HNRNPR: variants seen among roughly 807,000 people sequenced by gnomAD.
HNRNPR encodes the protein heterogeneous nuclear ribonucleoprotein R.
In HNRNPR, 4 loss-of-function variants were observed where a neutral mutation model predicts 70.3. The observed-to-expected ratio is 0.06, with a 90% confidence interval of 0.03 to 0.13. The LOEUF (loss-of-function observed/expected upper bound fraction) is 0.13, where lower values mean the gene tolerates loss of function less well. HNRNPR is among the 10% of genes least tolerant of loss of function. HNRNPR has a pLI of 1.00. For missense variants in HNRNPR, 423 were observed against 788.5 expected (o/e 0.54, Z 5.55); for synonymous variants, 241 against 267.6 (o/e 0.90, Z 0.97).
intron 5 of HNRNPR, among the ~76,000 whole-genome samples, chr1:23,323,988 AT>A (rs1057152780): frequency 9.2e-5 from 14 of 152,060 alleles, no homozygotes; most frequent in Non-Finnish European, 5.9e-5. Context: ...TAAATTTTAA[AT>A]TTTTATAACT....
intron 5 of HNRNPR, among the ~76,000 whole-genome samples, chr1:23,330,672 T>C (rs147733307): frequency 1.3e-5 from 2 of 152,314 alleles, no homozygotes; most frequent in Admixed American, 6.5e-5. Context: ...TTACTACCTA[T>C]CATCCTTGCA....
chr1:23,321,556 G>A lies in HNRNPR; in HGVS notation c.783C>T (p.Asn261=), dbSNP rs2148374868. 6.2e-7 allele frequency: 1 copy of A among 1,612,276 alleles called. No homozygotes were observed. Among genetic ancestry groups the A allele is most frequent in the South Asian group, 1.1e-5 (1 of 90,660 alleles). ...TGACTTTACTGAATTCTTCCAAAATGTTTTCTTTAGTCTTATTCTTCGGAA... is the reference window on the plus strand; with the variant it reads ...TGACTTTACTGAATTCTTCCAAAATATTTTCTTTAGTCTTATTCTTCGGAA... The part of the protein sequence containing the change: ...GSIPKNKTKE[N]ILEEFSKVTE... Residue 261 remains asparagine, a synonymous_variant, in exon 7 of 11, where the codon AAC becomes AAT. Coordinates refer to ENST00000302271, the MANE Select transcript of HNRNPR (RefSeq NM_005826.5).
At chr1:23,321,868 C>G (rs1645773210) in intron 6 of HNRNPR, among the ~76,000 whole-genome samples, 1 of 152,136 alleles carries the variant, frequency 6.6e-6, no homozygotes, top group Non-Finnish European at 1.5e-5. Flanking sequence ...TTAACCTTCA[C>G]TACTCTTCCA....
At chr1:23,319,510 C>T (rs1645674354) in intron 7 of HNRNPR, among the ~76,000 whole-genome samples, 1 of 152,146 alleles carries the variant, frequency 6.6e-6, no homozygotes, top group Admixed American at 6.5e-5. Flanking sequence ...ATCTCCACTG[C>T]TATTACCCTA....
At chr1:23,335,147 T>C (rs891649658) in intron 4 of HNRNPR, among the ~76,000 whole-genome samples, 2 of 152,264 alleles carry the variant, frequency 1.3e-5, no homozygotes, top group East Asian at 3.9e-4. Flanking sequence ...CTCGATCTCC[T>C]GACCTCGTGA....
chr1:23,342,855 A>C (rs1646754351), intron 1 of HNRNPR, among the ~76,000 whole-genome samples: 2 of 152,246 alleles, frequency 1.3e-5, no homozygotes, highest in African/African-American at 4.8e-5. Flanking sequence ...GTTGTGTATT[A>C]AGTACAAGAC....
intron 5 of HNRNPR, among the ~76,000 whole-genome samples, chr1:23,328,500 GT>G (rs1392093141): frequency 6.6e-6 from 1 of 151,980 alleles, no homozygotes; most frequent in African/African-American, 2.4e-5. Context: ...TTTTGTTGTT[GT>G]TGTTGTTGCT....
chr1:23,312,826 C>G (rs1001957717), intron 9 of HNRNPR, among the ~76,000 whole-genome samples: 8 of 152,070 alleles, frequency 5.3e-5, no homozygotes, highest in Admixed American at 5.2e-4. Context: ...TTCCTAATAA[C>G]ATAAATAAGA....
intron 1 of HNRNPR, among the ~76,000 whole-genome samples, chr1:23,343,979 G>C (rs1372835613): frequency 6.6e-6 from 1 of 152,126 alleles, no homozygotes; most frequent in Non-Finnish European, 1.5e-5. Context: ...CCAGCGGGCC[G>C]GACCGCGGGC....
rs576337577 is a variant in HNRNPR at position 23,328,009 on chromosome 1, A to G, written c.499-4277T>C. On this transcript the variant is annotated intron_variant, in intron 5 of 10. Coordinates refer to ENST00000302271, the MANE Select transcript of HNRNPR (RefSeq NM_005826.5). ...AGACTCTGTCTCAAAAAAAAAAAAA[A>G]AAAAGAAAAGAAAAAAGAAGTCTGA... Among the ~76,000 whole-genome samples, 6 of 151,564 alleles carry G rather than the reference A, an allele frequency of 4.0e-5. No homozygotes were observed. The East Asian group carries it at 7.7e-4, about 20-fold the overall frequency.
rs374135264 is a variant in HNRNPR at position 23,319,587 on chromosome 1, T to A, written c.812-899A>T. On this transcript the variant is annotated intron_variant, in intron 7 of 10. Coordinates refer to ENST00000302271, the MANE Select transcript of HNRNPR (RefSeq NM_005826.5). ...TTTATCAGCTTCCACTCACACCCCT[T>A]CTCTCCAAGCCCCTATCCACAGAGC... is the stretch of plus-strand genomic sequence containing the variant. 4.6e-5 allele frequency among the ~76,000 whole-genome samples: 7 copies of A among 152,194 alleles called. No homozygotes were observed. The East Asian group carries it at 1.4e-3, about 29-fold the overall frequency.
chr1:23,311,452 A>G (rs1353119942), intron 9 of HNRNPR, 130 bp from the exon 10 acceptor site: 1 of 645,050 alleles, frequency 1.6e-6, no homozygotes, highest in Non-Finnish European at 2.6e-6. Flanking sequence ...TTAAATGGCA[A>G]AAGGTGAATC....
intron 5 of HNRNPR, among the ~76,000 whole-genome samples, chr1:23,329,562 AG>A (rs1229416723): frequency 1.3e-5 from 2 of 152,208 alleles, no homozygotes; most frequent in Non-Finnish European, 2.9e-5. Context: ...ACCCAGAAAA[AG>A]TTTTAGCTGT....
rs529558976 is a variant in HNRNPR, at chr1:23,313,566, C to A, written c.1154G>T (p.Gly385Val). ...CAAAATTCCTACCTTAACAGCTGCT[C>A]CTCTGTCTTCAAAATGAACAAATGC... ...DYAFVHFEDRGAAVKAMDEMN... is the reference protein window; with the variant it reads ...DYAFVHFEDRVAAVKAMDEMN... Residue 385 changes from glycine to valine, a missense_variant, in exon 9 of 11, where the codon GGA (glycine) becomes GTA (valine). Gly to Val is a moderately radical substitution (Grantham distance 109, BLOSUM62 -3). Around this residue, in one of 7 missense-constraint regions of HNRNPR, gnomAD observed 46 missense variants for 164.6 expected, o/e 0.28. Coordinates refer to ENST00000302271, the MANE Select transcript of HNRNPR (RefSeq NM_005826.5). 3 of 1,559,502 alleles carry A rather than the reference C, an allele frequency of 1.9e-6. No homozygotes were observed. The highest frequency in any genetic ancestry group is 2.4e-5 in the East Asian group (1 of 41,712).
intron 4 of HNRNPR, among the ~76,000 whole-genome samples, chr1:23,336,116 C>CAAAAAAAAA (rs71020498): frequency 2.8e-4 from 14 of 49,474 alleles, no homozygotes; most frequent in African/African-American, 7.3e-4. Context: ...GACTCCGTCT[C>CAAAAAAAAA]AAAAAAAAAA....
intron 8 of HNRNPR, among the ~76,000 whole-genome samples, chr1:23,314,997 G>A (rs1645475224): frequency 6.6e-6 from 1 of 151,812 alleles, no homozygotes; most frequent in African/African-American, 2.4e-5. Flanking sequence ...ATGAAGAAGA[G>A]GGCTGGGCGC....
Position 23,311,047 on chromosome 1 carries a change from G to A in HNRNPR, c.1309C>T (p.His437Tyr). 6.2e-7 allele frequency: 1 copy of A among 1,614,060 alleles called. No homozygotes were observed. Among genetic ancestry groups the A allele is most frequent in the Non-Finnish European group, 8.5e-7 (1 of 1,180,002 alleles). Residue 437 changes from histidine (H) to tyrosine (Y), a missense_variant, in exon 11 of 11, where the codon CAC becomes TAC. By Grantham distance (83) the His-to-Tyr change is moderately conservative. Coordinates refer to ENST00000302271, the MANE Select transcript of HNRNPR (RefSeq NM_005826.5). Reference sequence around the variant, plus strand: ...GGAGGTGGCATGCGAGGAGGAGGGTGGTAGTAATAATCTTCATACCTAGCA... The same window carrying A: ...GGAGGTGGCATGCGAGGAGGAGGGTAGTAGTAATAATCTTCATACCTAGCA... ...RSTAYEDYYY[H>Y]PPPRMPPPIR...
At chr1:23,325,113 C>G (rs1310754610) in intron 5 of HNRNPR, among the ~76,000 whole-genome samples, 1 of 151,696 alleles carries the variant, frequency 6.6e-6, no homozygotes, top group Admixed American at 6.6e-5. Context: ...ACACTCCAGC[C>G]TGGGCAACAG....
intron 6 of HNRNPR, 142 bp from the exon 7 acceptor site, chr1:23,321,805 G>T: frequency 1.4e-6 from 1 of 719,604 alleles, no homozygotes; most frequent in Non-Finnish European, 2.2e-6. Context: ...TCCATAATAT[G>T]AATGTATATT....
Sources: allele counts gnomAD v4.1 joint callset (sites outside exome capture counted in the v4.1 genomes callset), GRCh38; gene constraint gnomAD v4.1.1; regional missense constraint gnomAD v4.1.1; transcripts MANE v1.5; gene names NCBI Gene and HGNC (gene_info 2026-07-23, HGNC 2026-07-21).